Variants in ZEB2 observed in about 807,000 individuals in gnomAD.
ZEB2 encodes the protein zinc finger E-box binding homeobox 2.
Under a neutral mutation model 99.9 loss-of-function variants are expected in ZEB2, and 6 were observed. The observed-to-expected ratio is 0.06, with a 90% CI of 0.03 to 0.12. The LOEUF (loss-of-function observed/expected upper bound fraction) is 0.12. Among genes scored for constraint, ZEB2 ranks in the 10% least tolerant of loss-of-function variants. The pLI, the probability that ZEB2 is intolerant of heterozygous loss-of-function variation, is 1.00. For missense variants in ZEB2, 969 were observed against 1,502.8 expected, an observed-to-expected ratio of 0.64 and a Z score of 5.87; for synonymous variants, 517 against 542.5, an observed-to-expected ratio of 0.95 and a Z score of 0.65.
At chr2:144,395,222 C>G (rs543929099) in intron 9 of ZEB2, among the ~76,000 whole-genome samples, 6 of 152,126 alleles carry the variant, frequency 3.9e-5, no homozygotes, top group African/African-American at 9.6e-5. Flanking sequence ...TGGTCTCAAA[C>G]TCTTGGGCTC....
intron 4 of ZEB2, 85 bp downstream of exon 4, chr2:144,424,710 TG>T (rs2149889075): frequency 9.6e-6 from 14 of 1,463,824 alleles, no homozygotes; most frequent in Non-Finnish European, 1.3e-5. Context: ...GAGATACAAA[TG>T]GATGTGTCAC....
Position 144,436,857 on chromosome 2 carries a change from T to C in ZEB2, c.74-6831A>G, listed in dbSNP as rs543704729. Among the ~76,000 whole-genome samples the C allele has an allele frequency of 3.3e-3, 497 of 152,294 alleles. 1 individual carries two copies. Among genetic ancestry groups the C allele is most frequent in the African/African-American group, 0.011 (456 of 41,568 alleles). ...AAAAACAGATATTGGTCGAAGAATT[T>C]GTAACAGTAAATTCACTTTCTTTCA... On this transcript the variant is annotated intron_variant, in intron 2 of 9. Transcript: ENST00000627532.
intron 2 of ZEB2, among the ~76,000 whole-genome samples, chr2:144,508,222 G>A (rs1704977728): frequency 1.3e-5 from 2 of 152,164 alleles, no homozygotes; most frequent in African/African-American, 4.8e-5. Context: ...GTATACGGGC[G>A]TTTGTTCATT....
At position 144,388,964 on chromosome 2, in the gene ZEB2, G is replaced by T; in HGVS notation, c.*487C>A. The T allele has an allele frequency of 2.2e-6, 1 of 448,872 alleles. No individual in the cohort carries two copies. 27.8% of individuals were successfully genotyped at this position (448,872 alleles called of 1,614,324 possible). A position where few individuals can be genotyped will look rare whatever the true frequency, so the allele number is the denominator to read the frequency against. On this transcript the variant is annotated 3_prime_UTR_variant, in exon 10 of 10. Transcript: ENST00000627532. The surrounding 1 kb of genome is among the most constrained non-coding windows in gnomAD (Gnocchi z 5.4). ...AAAAAAAATGGGAAATTGATGAATAGCGAAAGGAAAGTACAGAGGAATCAT... is the reference window on the plus strand; with the variant it reads ...AAAAAAAATGGGAAATTGATGAATATCGAAAGGAAAGTACAGAGGAATCAT...
chr2:144,470,790 C>T (rs7564464), intron 2 of ZEB2, among the ~76,000 whole-genome samples: 147,044 of 152,212 alleles, frequency 0.97, 71,237 homozygotes, highest in East Asian at 1. Flanking sequence ...ATTCCAGCAT[C>T]TAGTCAGCAG....
At chr2:144,480,890 TAC>T (rs1283620367) in intron 2 of ZEB2, among the ~76,000 whole-genome samples, 1 of 152,224 alleles carries the variant, frequency 6.6e-6, no homozygotes, top group Non-Finnish European at 1.5e-5. Flanking sequence ...ATATGAAAGA[TAC>T]AGTCATTCAC....
In ZEB2 at chr2:144,475,498, A is replaced by G. The variant is rs529655498; in HGVS notation, c.73+41780T>C. Reference sequence around the variant, plus strand: ...TATACATATACATATGTGCGTGTATATATATATGTATGTATATATGTCATT... The same window carrying G: ...TATACATATACATATGTGCGTGTATGTATATATGTATGTATATATGTCATT... On this transcript the variant is annotated intron_variant, in intron 2 of 9. Coordinates refer to ENST00000627532, the MANE Select transcript of ZEB2 (RefSeq NM_014795.4). Among the ~76,000 whole-genome samples the G allele has an allele frequency of 4.6e-5, 7 of 152,322 alleles. No homozygotes were observed. In the South Asian group the frequency reaches 1.4e-3, roughly 32 times the overall value.
At chr2:144,505,711 A>T (rs1219717382) in intron 2 of ZEB2, among the ~76,000 whole-genome samples, 1 of 152,186 alleles carries the variant, frequency 6.6e-6, no homozygotes, top group Non-Finnish European at 1.5e-5. Flanking sequence ...TTTGTTCAAC[A>T]TAGCAGTTTG....
intron 2 of ZEB2, among the ~76,000 whole-genome samples, chr2:144,480,517 G>A (rs953536240): frequency 1.3e-5 from 2 of 152,108 alleles, no homozygotes; most frequent in African/African-American, 4.8e-5. Flanking sequence ...AAAGATGAGT[G>A]ACTTAGCATT....
At chr2:144,444,279 G>A (rs1268784083) in intron 2 of ZEB2, among the ~76,000 whole-genome samples, 2 of 152,276 alleles carry the variant, frequency 1.3e-5, no homozygotes, top group East Asian at 3.9e-4. Flanking sequence ...AAAATCTGAG[G>A]CCCTTTAGAA....
rs879102627 is a variant in ZEB2, at chr2:144,451,101, G to A, written c.74-21075C>T. 3.3e-5 allele frequency among the ~76,000 whole-genome samples: 5 copies of A among 152,278 alleles called. 1 individual carries two copies. Among genetic ancestry groups the A allele is most frequent in the South Asian group, 4.1e-4 (2 of 4,826 alleles). The stretch of plus-strand genomic sequence containing the variant: ...AAAAAGGAAGAGATTGGGAAAATAC[G>A]GAGGGATAGAATATGTAAAAGAAAA... On this transcript the variant is annotated intron_variant, in intron 2 of 9. Coordinates refer to ENST00000627532, the MANE Select transcript of ZEB2 (RefSeq NM_014795.4).
rs1703071258 is a variant in ZEB2, at chr2:144,385,603, G to A, written c.*3848C>T. 6.6e-6 allele frequency: 1 copy of A among 152,156 alleles called. No individual in the cohort carries two copies. Among genetic ancestry groups the A allele is most frequent in the Non-Finnish European group, 1.5e-5 (1 of 68,014 alleles). 9.4% of individuals were successfully genotyped at this position (152,156 alleles called of 1,614,324 possible). A position where few individuals can be genotyped will look rare whatever the true frequency, so the allele number is the denominator to read the frequency against. On this transcript the variant is annotated 3_prime_UTR_variant, in exon 10 of 10. Transcript: ENST00000627532. Reference sequence around the variant, plus strand: ...ATCACATAGTCAAATAAATGCAGCTGTGTTTATTACAATGTGTGGGGCTCC... The same window carrying A: ...ATCACATAGTCAAATAAATGCAGCTATGTTTATTACAATGTGTGGGGCTCC...
chr2:144,484,122 G>A (rs1704558892), intron 2 of ZEB2, among the ~76,000 whole-genome samples: 1 of 150,958 alleles, frequency 6.6e-6, no homozygotes, highest in Admixed American at 6.6e-5. Context: ...GTCTTTCCAT[G>A]CAGCTATGTG....
chr2:144,497,764 C>G (rs1704786427), intron 2 of ZEB2: 2 of 159,494 alleles, frequency 1.3e-5, no homozygotes, highest in African/African-American at 5.3e-5. Flanking sequence ...TCTTGATGAC[C>G]CTGTAAGAGT....
intron 2 of ZEB2, chr2:144,462,812 T>C (rs954474323): frequency 6.6e-6 from 1 of 152,200 alleles, no homozygotes; most frequent in East Asian, 1.9e-4. Context: ...TGGCATACAA[T>C]AGATAATTTA....
At chr2:144,439,259 T>C (rs1287144321) in intron 2 of ZEB2, among the ~76,000 whole-genome samples, 2 of 151,592 alleles carry the variant, frequency 1.3e-5, no homozygotes. Flanking sequence ...AACAAATGCA[T>C]GGAGACCCTA....
At chr2:144,415,511 A>T (rs571690532) in intron 4 of ZEB2, among the ~76,000 whole-genome samples, 3 of 152,298 alleles carry the variant, frequency 2.0e-5, no homozygotes, top group African/African-American at 7.2e-5. Flanking sequence ...ACTTCTTCAG[A>T]CTAAATGAAA....
At chr2:144,517,202 TC>T in intron 2 of ZEB2, 75 bp downstream of exon 2, 1 of 1,593,738 alleles carries the variant, frequency 6.3e-7, no homozygotes, top group Non-Finnish European at 8.6e-7. Context: ...CGGTTCCTTT[TC>T]CCTTTCCCCC....
chr2:144,517,521 C>A, intron 1 of ZEB2, 102 bp from the exon 2 acceptor site: 1 of 763,322 alleles, frequency 1.3e-6, no homozygotes, highest in South Asian at 1.5e-5. Context: ...GAGCACCCAT[C>A]CGCGCCCCCC....
Sources: gnomAD v4.1 joint callset for allele counts (sites outside exome capture counted in the v4.1 genomes callset) on GRCh38, gnomAD v4.1.1 for gene constraint, Gnocchi (gnomAD v3.1) non-coding constraint, MANE v1.5 for transcripts, NCBI Gene and HGNC (gene_info 2026-07-23, HGNC 2026-07-21) for gene names.